The following ZBTB11 variants were observed in gnomAD, a reference collection of about 807,000 sequenced individuals.
ZBTB11 encodes zinc finger and BTB domain containing 11, also known as zinc finger and BTB domain-containing protein 11.
A neutral mutation model predicts 113.1 loss-of-function variants in ZBTB11; 68 were observed. That is an observed-to-expected ratio of 0.60 (90% CI 0.49 to 0.74). ZBTB11 has a LOEUF of 0.74. Among genes scored for constraint, ZBTB11 ranks in the 30% least tolerant of loss-of-function variants. The pLI is 0.00. For synonymous variants in ZBTB11, 518 were observed against 452.6 expected (o/e 1.14, Z -1.83); for missense variants, 1,104 against 1,279.4 (o/e 0.86, Z 2.09).
chr3:101,668,853 A>T (rs1393798970), intron 3 of ZBTB11, among the ~76,000 whole-genome samples: 1 of 152,172 alleles, frequency 6.6e-6, no homozygotes, highest in Non-Finnish European at 1.5e-5. Context: ...ATCTGAAAAT[A>T]AATAAAAGGG....
In ZBTB11 at chr3:101,664,592, G is replaced by A. The variant is rs771259014; in HGVS notation, c.1746C>T (p.Tyr582=). 2.0e-5 allele frequency: 32 copies of A among 1,613,636 alleles called. No homozygotes were observed. The highest frequency in any genetic ancestry group is 1.7e-4 in the Middle Eastern group (1 of 6,058). The part of the protein sequence containing the change: ...GECGMVFQRR[Y]ALIMHKLKHE... ...GTTTCAGTTTGTGCATTATAAGGGC[G>A]TATCGTCTCTGAAAAACCATTCCAC... is the stretch of plus-strand genomic sequence containing the variant. Residue 582 remains tyrosine (Y), a synonymous_variant, in exon 5 of 11, where the codon TAC becomes TAT. Transcript: ENST00000312938.
chr3:101,669,958 A>G (rs992846044), intron 3 of ZBTB11, among the ~76,000 whole-genome samples: 13 of 151,808 alleles, frequency 8.6e-5, no homozygotes, highest in African/African-American at 2.9e-4. Flanking sequence ...CCTCCCGAGT[A>G]GCTGGGATTA....
At chr3:101,671,464 T>C (rs747107200) in intron 2 of ZBTB11, 103 bp from the exon 3 acceptor site, 12 of 789,242 alleles carry the variant, frequency 1.5e-5, no homozygotes, top group Non-Finnish European at 2.5e-5. Flanking sequence ...TTACCAGGTA[T>C]GAATAATTTG....
In ZBTB11 at chr3:101,651,297, G is replaced by C; in HGVS notation, c.3031C>G (p.Leu1011Val). Residue 1011 changes from leucine to valine, a missense_variant, in exon 11 of 11, where the codon CTT (leucine) becomes GTT (valine). Physicochemically the swap from Leu to Val is conservative, Grantham distance 32. Transcript: ENST00000312938. ...ATEEYPSVST[L>V]SDQSIMQVVN... ...ACTTGCATAATACTTTGGTCAGAAA[G>C]TGTAGATACCGATGGATACTCTTCA... is the stretch of plus-strand genomic sequence containing the variant. The C allele has an allele frequency of 3.7e-6, 6 of 1,614,208 alleles. No individual in the cohort carries two copies. The highest frequency in any genetic ancestry group is 5.1e-6 in the Non-Finnish European group (6 of 1,180,050).
Position 101,672,144 on chromosome 3 carries a change from C to G in ZBTB11, c.380G>C (p.Arg127Pro). Residue 127 changes from arginine to proline, a missense_variant, in exon 2 of 11, where the codon CGT becomes CCT. By Grantham distance (103) the Arg-to-Pro change is moderately radical (BLOSUM62 -2). Around this residue, in one of 5 missense-constraint regions of ZBTB11, gnomAD observed 245 missense variants for 272.5 expected, o/e 0.90. Transcript: ENST00000312938. The part of the protein sequence containing the change: ...SKCQEKLDRS[R>P]PISDVSEMLE... Reference sequence around the variant, plus strand: ...CATTTCTGAAACATCTGATATTGGACGGGATCGATCTAGTTTCTCCTGGCA... The same window carrying G: ...CATTTCTGAAACATCTGATATTGGAGGGGATCGATCTAGTTTCTCCTGGCA... The G allele has an allele frequency of 6.2e-7, 1 of 1,614,116 alleles. No homozygotes were observed. The highest frequency in any genetic ancestry group is 8.5e-7 in the Non-Finnish European group (1 of 1,180,006).
chr3:101,651,052 G>T lies in ZBTB11; in HGVS notation c.*114C>A. The stretch of plus-strand genomic sequence containing the variant: ...TTTGGAAACGTTACGTTACCAAACA[G>T]CCCAGAACTTTGATATGTAAACTCC... On this transcript the variant is annotated 3_prime_UTR_variant, in exon 11 of 11. Coordinates refer to ENST00000312938, the MANE Select transcript of ZBTB11 (RefSeq NM_014415.4). The T allele has an allele frequency of 3.1e-6, 4 of 1,278,004 alleles. No individual in the cohort carries two copies. Among genetic ancestry groups the T allele is most frequent in the South Asian group, 3.1e-5 (2 of 64,192 alleles). 79.2% of individuals were successfully genotyped at this position (1,278,004 alleles called of 1,614,324 possible). A position where few individuals can be genotyped will look rare whatever the true frequency, so the allele number is the denominator to read the frequency against.
intron 1 of ZBTB11, among the ~76,000 whole-genome samples, chr3:101,675,373 C>T (rs59596156): frequency 0.34 from 52,054 of 152,130 alleles, 9,162 homozygotes; most frequent in African/African-American, 0.38. Context: ...ATTTGATTAT[C>T]CAATAGTTCG....
rs1936981334 is a variant in ZBTB11 at position 101,665,507 on chromosome 3, A to C, written c.1080T>G (p.Asp360Glu). Residue 360 changes from aspartate to glutamate, a missense_variant, in exon 4 of 11, where the codon GAT (aspartate) becomes GAG (glutamate). Coordinates refer to ENST00000312938, the MANE Select transcript of ZBTB11 (RefSeq NM_014415.4). ...TTTSLPTELG[D>E]CEIVLLVNGE... ...CATTTACCAGTAGTACAATTTCACA[A>C]TCCCCAAGTTCAGTAGGTAAACTTG... The C allele has an allele frequency of 6.2e-7, 1 of 1,614,014 alleles. No homozygotes were observed. Among genetic ancestry groups the C allele is most frequent in the African/African-American group, 1.3e-5 (1 of 74,904 alleles).
intron 6 of ZBTB11, among the ~76,000 whole-genome samples, chr3:101,659,522 G>T (rs1485845045): frequency 6.6e-6 from 1 of 152,032 alleles, no homozygotes. Flanking sequence ...ATGATAAACT[G>T]GTTATTTTTC....
chr3:101,670,335 TATG>T (rs1313326956), intron 3 of ZBTB11, among the ~76,000 whole-genome samples: 2 of 152,224 alleles, frequency 1.3e-5, no homozygotes, highest in Non-Finnish European at 2.9e-5. Context: ...GCAAGTTTTA[TATG>T]ATGAGAAAAC....
In ZBTB11 at chr3:101,651,328, T is replaced by C; in HGVS notation, c.3000A>G (p.Ala1000=). Residue 1000 remains alanine, a synonymous_variant, in exon 11 of 11, where the codon GCA becomes GCG. Transcript: ENST00000312938. The stretch of plus-strand genomic sequence containing the variant: ...ATACCGATGGATACTCTTCAGTAGC[T>C]GCAACAGCTTCCAGAGCTTCCATAG... The part of the protein sequence containing the change: ...GETMEALEAV[A]ATEEYPSVST... 3 of 1,613,812 alleles carry C rather than the reference T, an allele frequency of 1.9e-6. No homozygotes were observed. The highest frequency in any genetic ancestry group is 2.5e-6 in the Non-Finnish European group (3 of 1,179,910).
chr3:101,655,929 G>T, intron 7 of ZBTB11, 175 bp downstream of exon 7: 1 of 362,574 alleles, frequency 2.8e-6, no homozygotes, highest in Non-Finnish European at 4.7e-6. Flanking sequence ...CAAAGTGCTG[G>T]GGATTACAGG....
chr3:101,656,215 G>T lies in ZBTB11; in HGVS notation c.2080C>A (p.Leu694Ile). ...CGKTFIYKHG[L>I]KLHQSLHQSQ... ...TGATGAAGACTCTGATGTAATTTTA[G>T]ACCATGCTTATAGATAAAAGTCTTT... is the stretch of plus-strand genomic sequence containing the variant. The change falls in exon 7 of 11, where the codon CTA becomes ATA. Residue 694 changes from leucine to isoleucine, a missense_variant. Leu to Ile is a conservative substitution (Grantham distance 5, BLOSUM62 2). Transcript: ENST00000312938. 6.3e-7 allele frequency: 1 copy of T among 1,593,466 alleles called. No homozygotes were observed. The highest frequency in any genetic ancestry group is 1.1e-5 in the South Asian group (1 of 88,166).
chr3:101,675,384 T>C (rs1174773394), intron 1 of ZBTB11, among the ~76,000 whole-genome samples: 2 of 152,264 alleles, frequency 1.3e-5, no homozygotes, highest in Non-Finnish European at 2.9e-5. Context: ...CAATAGTTCG[T>C]AAACGAATAA....
intron 5 of ZBTB11, 28 bp from the exon 6 acceptor site, chr3:101,660,056 A>G: frequency 6.3e-7 from 1 of 1,593,616 alleles, no homozygotes; most frequent in Non-Finnish European, 8.6e-7. Context: ...TTCTCTCTAA[A>G]TGTATTTCCA....
chr3:101,660,913 C>A (rs1339261748), intron 5 of ZBTB11, among the ~76,000 whole-genome samples: 1 of 152,062 alleles, frequency 6.6e-6, no homozygotes, highest in Admixed American at 6.6e-5. Flanking sequence ...TAAAACCCAT[C>A]CCCTTTTTGG....
rs1446768176 is a variant in ZBTB11, at chr3:101,671,168, C to G, written c.740G>C (p.Gly247Ala). The change falls in exon 3 of 11, where the codon GGA becomes GCA. Residue 247 changes from glycine (G) to alanine (A), a missense_variant. By Grantham distance (60) the Gly-to-Ala change is moderately conservative (BLOSUM62 0). This residue lies in a region of ZBTB11 where 86 missense variants were observed against 131.0 expected (regional missense o/e 0.66). Transcript: ENST00000312938. ...CACAGCCTCATGACTGGAAACAGCT[C>G]CTTTCTCAATAAAAAGATCTCGAAA... ...EYFRDLFIEK[G>A]AVSSHEAVVD... is the part of the protein sequence containing the mutation. 1 of 1,614,156 alleles carries G rather than the reference C, an allele frequency of 6.2e-7. No individual in the cohort carries two copies. The highest frequency in any genetic ancestry group is 2.2e-5 in the East Asian group (1 of 44,868).
chr3:101,675,318 G>A (rs146010607), intron 1 of ZBTB11, among the ~76,000 whole-genome samples: 388 of 152,256 alleles, frequency 2.5e-3, no homozygotes, highest in Non-Finnish European at 4.3e-3. Flanking sequence ...GTCCTTACAG[G>A]AATTTAATTC....
In ZBTB11 at chr3:101,651,036, G is replaced by T; in HGVS notation, c.*130C>A. ...TTGGCCAGACAAAATGTTTGGAAAC[G>T]TTACGTTACCAAACAGCCCAGAACT... On this transcript the variant is annotated 3_prime_UTR_variant, in exon 11 of 11. Transcript: ENST00000312938. 9.1e-7 allele frequency: 1 copy of T among 1,092,928 alleles called. No homozygotes were observed. Among genetic ancestry groups the T allele is most frequent in the Non-Finnish European group, 1.3e-6 (1 of 786,940 alleles). 67.7% of individuals were successfully genotyped at this position (1,092,928 alleles called of 1,614,324 possible). A position where few individuals can be genotyped will look rare whatever the true frequency, so the allele number is the denominator to read the frequency against.
Sources: gnomAD v4.1 joint callset for allele counts (sites outside exome capture counted in the v4.1 genomes callset) on GRCh38, gnomAD v4.1.1 for gene constraint, gnomAD v4.1.1 regional missense constraint, MANE v1.5 for transcripts, NCBI Gene and HGNC (gene_info 2026-07-23, HGNC 2026-07-21) for gene names.